MIB1: variants seen among roughly 807,000 people sequenced by gnomAD.
The protein encoded by MIB1 is E3 ubiquitin-protein ligase MIB1.
Under a neutral mutation model 124.5 loss-of-function variants are expected in MIB1, and 278 were observed. The observed-to-expected ratio is 2.23, with a 90% CI of 2.02 to 2.47. MIB1 has a LOEUF of 2.47. MIB1 is among the 30% of genes most tolerant of loss of function. The pLI is 0.00. For synonymous variants in MIB1, 446 were observed against 429.4 expected (o/e 1.04, Z -0.48); for missense variants, 957 against 1,254.4 (o/e 0.76, Z 3.58).
At chr18:21,750,218 C>T (rs1417418921) in intron 1 of MIB1, among the ~76,000 whole-genome samples, 2 of 152,188 alleles carry the variant, frequency 1.3e-5, no homozygotes, top group Non-Finnish European at 2.9e-5. Context: ...CAACCTCTAC[C>T]TCCTGGGTGC....
chr18:21,762,140 T>TA (rs2041105647), intron 1 of MIB1, among the ~76,000 whole-genome samples: 1 of 152,208 alleles, frequency 6.6e-6, no homozygotes, highest in Non-Finnish European at 1.5e-5. Flanking sequence ...CAGTGCATGT[T>TA]AAAGATGTGT....
intron 6 of MIB1, among the ~76,000 whole-genome samples, chr18:21,786,703 A>T (rs1258141975): frequency 6.6e-6 from 1 of 150,822 alleles, no homozygotes; most frequent in African/African-American, 2.4e-5. Flanking sequence ...ATTTTTTTCC[A>T]CTGCTTAATT....
At chr18:21,831,686 A>T (rs2041984771) in intron 12 of MIB1, among the ~76,000 whole-genome samples, 1 of 151,942 alleles carries the variant, frequency 6.6e-6, no homozygotes, top group Non-Finnish European at 1.5e-5. Flanking sequence ...ACTGCCAAAT[A>T]AAGCGGTCTC....
intron 1 of MIB1, among the ~76,000 whole-genome samples, chr18:21,709,604 C>T (rs1002491361): frequency 8.5e-5 from 13 of 152,160 alleles, no homozygotes; most frequent in African/African-American, 3.1e-4. Context: ...ACCTTCCTCC[C>T]AGCTGTGGAG....
chr18:21,796,116 C>G (rs1040851451), intron 7 of MIB1, among the ~76,000 whole-genome samples: 2 of 140,002 alleles, frequency 1.4e-5, no homozygotes, highest in East Asian at 2.3e-4. Context: ...TTGATGGGGT[C>G]GTTTGTTTTT....
Position 21,799,827 on chromosome 18 carries a change from T to C in MIB1, c.1238-14T>C. ...GATCCTCCTATATTAGCAGCTTTAT[T>C]TGATGCTTTACAGAAAGACTCTCAC... is the stretch of plus-strand genomic sequence containing the variant. On this transcript the variant is annotated splice_polypyrimidine_tract_variant and intron_variant, in intron 8 of 20. Coordinates refer to ENST00000261537, the MANE Select transcript of MIB1 (RefSeq NM_020774.4). 3 of 1,606,758 alleles carry C rather than the reference T, an allele frequency of 1.9e-6. No individual in the cohort carries two copies. The highest frequency in any genetic ancestry group is 1.1e-5 in the South Asian group (1 of 89,900).
At chr18:21,781,630 A>G (rs1325820470) in intron 6 of MIB1, among the ~76,000 whole-genome samples, 2 of 150,236 alleles carry the variant, frequency 1.3e-5, no homozygotes, top group East Asian at 2.0e-4. Flanking sequence ...GGCCAGGCTG[A>G]TCTTGAACCC....
At chr18:21,748,487 T>G (rs1018760978) in intron 1 of MIB1, among the ~76,000 whole-genome samples, 52 of 150,590 alleles carry the variant, frequency 3.5e-4, no homozygotes, top group African/African-American at 1.2e-3. Context: ...CAGAGTGCAG[T>G]GGTGCAGTCT....
chr18:21,784,008 A>G (rs1040624582), intron 6 of MIB1, among the ~76,000 whole-genome samples: 1 of 145,350 alleles, frequency 6.9e-6, no homozygotes, highest in Non-Finnish European at 1.5e-5. Context: ...CTCCCACAAT[A>G]TTGGGGTTAC....
At chr18:21,847,475 A>G (rs2042145110) in intron 16 of MIB1, among the ~76,000 whole-genome samples, 1 of 152,150 alleles carries the variant, frequency 6.6e-6, no homozygotes, top group African/African-American at 2.4e-5. Flanking sequence ...CATGTATTTT[A>G]AATTGTATTT....
At position 21,798,065 on chromosome 18, in the gene MIB1, ATC is replaced by A; in HGVS notation, c.1093-17_1093-16del. On this transcript the variant is annotated splice_polypyrimidine_tract_variant and intron_variant, in intron 7 of 20. Transcript: ENST00000261537. ...ATATACTTTAGACTTGGAAACATGA[ATC>A]TATTTTTTTCCCCAAGACTTTAGGT... 6.2e-7 allele frequency: 1 copy of A among 1,611,638 alleles called. No homozygotes were observed. Among genetic ancestry groups the A allele is most frequent in the Non-Finnish European group, 8.5e-7 (1 of 1,178,328 alleles).
intron 15 of MIB1, among the ~76,000 whole-genome samples, chr18:21,845,442 A>G (rs568167295): frequency 6.6e-6 from 1 of 152,316 alleles, no homozygotes; most frequent in Non-Finnish European, 1.5e-5. Flanking sequence ...GCCAAACCCA[A>G]GATCGCTAAG....
chr18:21,766,304 GAGTCAGTA>G (rs2041158072), intron 2 of MIB1, among the ~76,000 whole-genome samples: 3 of 152,192 alleles, frequency 2.0e-5, no homozygotes, highest in African/African-American at 7.2e-5. Context: ...CTCATTGATT[GAGTCAGTA>G]GGCATTTATT....
intron 12 of MIB1, among the ~76,000 whole-genome samples, chr18:21,836,529 C>T (rs1030983461): frequency 2.6e-5 from 4 of 152,128 alleles, no homozygotes; most frequent in Admixed American, 6.5e-5. Context: ...GGAACTTATC[C>T]TGTAATTTCT....
upstream of MIB1, among the ~76,000 whole-genome samples, chr18:21,740,642 G>C (rs1260938827): frequency 6.6e-6 from 1 of 152,210 alleles, no homozygotes; most frequent in African/African-American, 2.4e-5. Context: ...CTCCAGGACG[G>C]CCTAACCGCT....
intron 11 of MIB1, among the ~76,000 whole-genome samples, chr18:21,818,121 C>T (rs2041846862): frequency 6.6e-6 from 1 of 152,154 alleles, no homozygotes; most frequent in Admixed American, 6.5e-5. Context: ...CACTTTGCTG[C>T]CCTTTGAAAA....
At chr18:21,710,467 T>C (rs2040660773) in intron 1 of MIB1, among the ~76,000 whole-genome samples, 1 of 152,168 alleles carries the variant, frequency 6.6e-6, no homozygotes, top group South Asian at 2.1e-4. Context: ...AATCAATTTT[T>C]GCCCAGGTGC....
chr18:21,783,059 A>G (rs1239428911), intron 6 of MIB1, among the ~76,000 whole-genome samples: 1 of 152,096 alleles, frequency 6.6e-6, no homozygotes, highest in Admixed American at 6.5e-5. Flanking sequence ...CTTAAAGTCT[A>G]TTTTATCTGA....
intron 6 of MIB1, among the ~76,000 whole-genome samples, chr18:21,780,893 C>T (rs2041353438): frequency 6.6e-6 from 1 of 152,102 alleles, no homozygotes; most frequent in African/African-American, 2.4e-5. Flanking sequence ...TATATACACC[C>T]AGCAATGGGA....
Sources: gnomAD v4.1 joint callset for allele counts (sites outside exome capture counted in the v4.1 genomes callset) on GRCh38, gnomAD v4.1.1 for gene constraint, MANE v1.5 for transcripts, NCBI Gene and HGNC (gene_info 2026-07-23, HGNC 2026-07-21) for gene names.